Variants in ITGAL observed in about 807,000 individuals in gnomAD.
ITGAL encodes the protein integrin alpha-L.
In ITGAL, 68 loss-of-function variants were observed where a neutral mutation model predicts 138.4. The ratio of observed to expected loss-of-function variants is 0.49; its 90% CI spans 0.40 to 0.60. The LOEUF (loss-of-function observed/expected upper bound fraction) is 0.60. Among genes scored for constraint, ITGAL ranks in the 20% least tolerant of loss-of-function variants. The pLI is 0.00. For synonymous variants in ITGAL, 561 were observed against 584.3 expected, an observed-to-expected ratio of 0.96 and a Z score of 0.57; for missense variants, 1,256 against 1,478.6, an observed-to-expected ratio of 0.85 and a Z score of 2.47.
Position 30,496,490 on chromosome 16 carries a change from C to T in ITGAL, c.1756C>T (p.His586Tyr). The stretch of plus-strand genomic sequence containing the variant: ...AATTCAGTGGTTTGGACGCTCCATC[C>T]ATGGGGTGAAGGACCTTGAAGGGGA... ...SGIQWFGRSI[H>Y]GVKDLEGDGL... The change falls in exon 15 of 31, where the codon CAT (histidine) becomes TAT (tyrosine). Residue 586 changes from histidine (H) to tyrosine (Y), a missense_variant. Transcript: ENST00000356798. 1 of 1,613,478 alleles carries T rather than the reference C, an allele frequency of 6.2e-7. No individual in the cohort carries two copies. Among genetic ancestry groups the T allele is most frequent in the Non-Finnish European group, 8.5e-7 (1 of 1,179,804 alleles).
chr16:30,504,677 C>T (rs1275009170), intron 18 of ITGAL, among the ~76,000 whole-genome samples: 1 of 150,530 alleles, frequency 6.6e-6, no homozygotes, highest in Non-Finnish European at 1.5e-5. Flanking sequence ...CACTGCCCTC[C>T]AGCCTAGGCA....
At chr16:30,481,415 G>A (rs753539679) in intron 6 of ITGAL, 24 bp from the exon 7 acceptor site, 1 of 1,458,194 alleles carries the variant, frequency 6.9e-7, no homozygotes, top group East Asian at 2.4e-5. Context: ...ATAACTGAAT[G>A]TCATTTCTTC....
chr16:30,487,372 C>T (rs1369050092), intron 9 of ITGAL, among the ~76,000 whole-genome samples: 2 of 152,066 alleles, frequency 1.3e-5, no homozygotes, highest in African/African-American at 2.4e-5. Context: ...GGATTACAGG[C>T]GTGAGCCACT....
rs138743084 is a variant in ITGAL, at chr16:30,510,393, G to T, written c.2541G>T (p.Glu847Asp). 6.2e-7 allele frequency: 1 copy of T among 1,612,942 alleles called. No homozygotes were observed. Among genetic ancestry groups the T allele is most frequent in the Non-Finnish European group, 8.5e-7 (1 of 1,178,938 alleles). ...GCCAGATACCTGTGAGCTGCGAGGA[G>T]CTTCCTGAAGAGTCCAGGCTTCTGT... is the stretch of plus-strand genomic sequence containing the variant. ...PHSQIPVSCE[E>D]LPEESRLLSR... The change falls in exon 22 of 31, where the codon GAG becomes GAT. Residue 847 changes from glutamate to aspartate, a missense_variant. By Grantham distance (45) the Glu-to-Asp change is conservative. Around this residue, in one of 3 missense-constraint regions of ITGAL, gnomAD observed 867 missense variants for 972.5 expected, o/e 0.89. Transcript: ENST00000356798.
rs767159439 is a variant in ITGAL at position 30,499,086 on chromosome 16, G to A, written c.1845G>A (p.Val615=). Residue 615 remains valine (V), a synonymous_variant, in exon 16 of 31, where the codon GTG becomes GTA. Transcript: ENST00000356798. The stretch of plus-strand genomic sequence containing the variant: ...TTCTGCCCTGCAGCTCCCGGCCCGT[G>A]GTGGATATGGTCACCCTGATGTCCT... ...SQMIVLSSRP[V]VDMVTLMSFS... is the part of the protein sequence containing the mutation. 1 of 1,614,018 alleles carries A rather than the reference G, an allele frequency of 6.2e-7. No individual in the cohort carries two copies. Among genetic ancestry groups the A allele is most frequent in the Non-Finnish European group, 8.5e-7 (1 of 1,179,980 alleles).
chr16:30,483,899 G>C lies in ITGAL; in HGVS notation c.795G>C (p.Gly265=). The C allele has an allele frequency of 3.7e-6, 6 of 1,614,004 alleles. No individual in the cohort carries two copies. Among genetic ancestry groups the C allele is most frequent in the Non-Finnish European group, 5.1e-6 (6 of 1,179,930 alleles). ...AAGTGCTTATCATCATCACGGATGG[G>C]GAGGCCACTGACAGTGGCAACATCG... ...ATKVLIIITD[G]EATDSGNIDA... Residue 265 remains glycine (G), a synonymous_variant, in exon 8 of 31, where the codon GGG becomes GGC. Transcript: ENST00000356798.
chr16:30,504,260 G>A lies in ITGAL; in HGVS notation c.2231G>A (p.Arg744Lys). 6.2e-7 allele frequency: 1 copy of A among 1,610,980 alleles called. No individual in the cohort carries two copies. The highest frequency in any genetic ancestry group is 8.5e-7 in the Non-Finnish European group (1 of 1,177,202). ...GAGGAAGGGACACCGAGGGACCAAA[G>A]GGCGGTAAGAAGAGATGGCTAGGGA... ...WEEEGTPRDQ[R>K]AQGKDIPPIL... Residue 744 changes from arginine (R) to lysine (K), a missense_variant, in exon 18 of 31, where the codon AGG becomes AAG. Around this residue, in one of 3 missense-constraint regions of ITGAL, gnomAD observed 867 missense variants for 972.5 expected, o/e 0.89. Coordinates refer to ENST00000356798, the MANE Select transcript of ITGAL (RefSeq NM_002209.3).
chr16:30,517,968 C>T (rs1043259353), intron 28 of ITGAL, 73 bp downstream of exon 28: 15 of 1,187,682 alleles, frequency 1.3e-5, no homozygotes, highest in East Asian at 2.3e-5. Flanking sequence ...GGGTGGGCTC[C>T]CACCAGATAG....
intron 29 of ITGAL, among the ~76,000 whole-genome samples, chr16:30,519,271 G>T (rs1290278594): frequency 6.6e-6 from 1 of 151,960 alleles, no homozygotes; most frequent in Non-Finnish European, 1.5e-5. Flanking sequence ...TGTACTCAGT[G>T]CCTCGGGAGG....
chr16:30,492,583 G>A (rs1233735916), intron 11 of ITGAL, among the ~76,000 whole-genome samples: 1 of 139,126 alleles, frequency 7.2e-6, no homozygotes, highest in African/African-American at 2.7e-5. Context: ...TTGAGACGGA[G>A]TCTTGCTCTG....
At chr16:30,516,221 G>T (rs1485528369) in intron 25 of ITGAL, among the ~76,000 whole-genome samples, 2 of 151,686 alleles carry the variant, frequency 1.3e-5, no homozygotes, top group Non-Finnish European at 2.9e-5. Flanking sequence ...TTTAATAAAA[G>T]GTGCTCAGAA....
rs2050770372 is a variant in ITGAL at position 30,494,355 on chromosome 16, G to C, written c.1357G>C (p.Gly453Arg). 1 of 1,607,164 alleles carries C rather than the reference G, an allele frequency of 6.2e-7. No homozygotes were observed. The highest frequency in any genetic ancestry group is 8.5e-7 in the Non-Finnish European group (1 of 1,175,086). ...CTGGAGCCAGGTCCAGACAATCCAT[G>C]GGACCCAGGTGCGCCCAGTCCGAGG... ...GHWSQVQTIH[G>R]TQIGSYFGGE... is the part of the protein sequence containing the mutation. Residue 453 changes from glycine to arginine, a missense_variant, in exon 12 of 31, where the codon GGG becomes CGG. By Grantham distance (125) the Gly-to-Arg change is moderately radical. Transcript: ENST00000356798. This position sits in a 1 kb window ranked among gnomAD's most constrained non-coding sequence, Gnocchi z 4.2.
At chr16:30,485,224 C>T (rs1249942247) in intron 9 of ITGAL, among the ~76,000 whole-genome samples, 5 of 86,404 alleles carry the variant, frequency 5.8e-5, no homozygotes, top group Non-Finnish European at 1.1e-4. Flanking sequence ...CTTTTCTCTT[C>T]TCTCTTTTCT....
At chr16:30,491,008 G>A (rs558494407) in intron 11 of ITGAL, among the ~76,000 whole-genome samples, 12 of 150,914 alleles carry the variant, frequency 8.0e-5, no homozygotes, top group African/African-American at 2.9e-4. Flanking sequence ...GGTTGTGCAT[G>A]CCTGTGGTCC....
At chr16:30,517,998 T>C in intron 28 of ITGAL, 103 bp downstream of exon 28, 1 of 869,824 alleles carries the variant, frequency 1.1e-6, no homozygotes, top group South Asian at 1.3e-5. Flanking sequence ...ATTTTTGTTT[T>C]CCATCTTGAT....
chr16:30,493,566 G>A (rs757952669), intron 11 of ITGAL, among the ~76,000 whole-genome samples: 3 of 151,872 alleles, frequency 2.0e-5, no homozygotes, highest in Middle Eastern at 3.4e-3. Flanking sequence ...GTGAGCCACC[G>A]CACCTGGACT....
chr16:30,519,831 C>T (rs73534270), intron 29 of ITGAL, 26 bp from the exon 30 acceptor site: 34 of 1,520,938 alleles, frequency 2.2e-5, no homozygotes, highest in Non-Finnish European at 2.7e-5. Flanking sequence ...AGGCATTTTC[C>T]GGCACTCCCC....
At chr16:30,507,321 A>T (rs893790994) in intron 21 of ITGAL, among the ~76,000 whole-genome samples, 2 of 151,504 alleles carry the variant, frequency 1.3e-5, no homozygotes, top group Admixed American at 6.6e-5. Context: ...TAGCCGGGCG[A>T]GGTGGCGGGC....
At position 30,494,690 on chromosome 16, in the gene ITGAL, C is replaced by T; in HGVS notation, c.1366-23C>T. On this transcript the variant is annotated intron_variant, in intron 12 of 30. Transcript: ENST00000356798. The surrounding 1 kb of genome is among the most constrained non-coding windows in gnomAD (Gnocchi z 4.2). Reference sequence around the variant, plus strand: ...CCTGCTGTTCCCACAGGCGCTTCCCCAAACACCTGCCTCTCCCCACAGATT... The same window carrying T: ...CCTGCTGTTCCCACAGGCGCTTCCCTAAACACCTGCCTCTCCCCACAGATT... 1 of 1,587,502 alleles carries T rather than the reference C, an allele frequency of 6.3e-7. No individual in the cohort carries two copies. Among genetic ancestry groups the T allele is most frequent in the Non-Finnish European group, 8.6e-7 (1 of 1,164,210 alleles).
Sources: gnomAD v4.1 joint callset for allele counts (sites outside exome capture counted in the v4.1 genomes callset) on GRCh38, gnomAD v4.1.1 for gene constraint, gnomAD v4.1.1 regional missense constraint, Gnocchi (gnomAD v3.1) non-coding constraint, MANE v1.5 for transcripts, NCBI Gene and HGNC (gene_info 2026-07-23, HGNC 2026-07-21) for gene names.